Variants in GABBR2 observed in about 807,000 individuals in gnomAD.
GABBR2 encodes gamma-aminobutyric acid type B receptor subunit 2, also known as G-protein coupled receptor 51.
A neutral mutation model predicts 105.6 loss-of-function variants in GABBR2; 23 were observed. The observed-to-expected ratio is 0.22, with a 90% confidence interval of 0.16 to 0.31. GABBR2 has a LOEUF of 0.31. GABBR2 is among the 10% of genes least tolerant of loss of function. GABBR2 has a pLI of 1.00. For missense variants in GABBR2, 734 were observed against 1,245.5 expected (o/e 0.59, Z 6.18); for synonymous variants, 478 against 499.7 (o/e 0.96, Z 0.58).
chr9:98,366,922 A>T lies in GABBR2; in HGVS notation c.1771-4085T>A, dbSNP rs538824152. 1.1e-3 allele frequency among the ~76,000 whole-genome samples: 165 copies of T among 152,132 alleles called. 1 individual carries two copies. The highest frequency in any genetic ancestry group is 3.7e-3 in the African/African-American group (154 of 41,464). On this transcript the variant is annotated intron_variant, in intron 12 of 18. Coordinates refer to ENST00000259455, the MANE Select transcript of GABBR2 (RefSeq NM_005458.8). Reference sequence around the variant, plus strand: ...CAGAAGGTGTCATCTCTAAATTTCTACTCTTGTTTCAACACTTCCATTTGG... The same window carrying T: ...CAGAAGGTGTCATCTCTAAATTTCTTCTCTTGTTTCAACACTTCCATTTGG...
intron 1 of GABBR2, among the ~76,000 whole-genome samples, chr9:98,662,060 T>C (rs559941854): frequency 6.6e-6 from 1 of 152,326 alleles, no homozygotes; most frequent in East Asian, 1.9e-4. Flanking sequence ...CTCTTACAGG[T>C]GTTATTCCTA....
rs1828422625 is a variant in GABBR2 at position 98,547,598 on chromosome 9, C to T, written c.460-5555G>A. On this transcript the variant is annotated intron_variant, in intron 2 of 18. Coordinates refer to ENST00000259455, the MANE Select transcript of GABBR2 (RefSeq NM_005458.8). ...CATCTTATTTTACTGTATTTTATTA[C>T]AAGGTATGTGCATATTAGCTTTCAC... Among the ~76,000 whole-genome samples the T allele has an allele frequency of 1.7e-5, 2 of 120,546 alleles. 1 individual carries two copies. The highest frequency in any genetic ancestry group is 5.3e-5 in the African/African-American group (2 of 37,776). 79.1% of individuals were successfully genotyped at this position (120,546 alleles called of 152,430 possible). A position where few individuals can be genotyped will look rare whatever the true frequency, so the allele number is the denominator to read the frequency against.
chr9:98,493,911 G>C (rs1225393397), intron 4 of GABBR2, among the ~76,000 whole-genome samples: 3 of 152,200 alleles, frequency 2.0e-5, no homozygotes, highest in African/African-American at 4.8e-5. Context: ...ACATTCTAAT[G>C]GGAGGAGACA....
At chr9:98,678,714 C>T (rs1011362167) in intron 1 of GABBR2, among the ~76,000 whole-genome samples, 17 of 152,280 alleles carry the variant, frequency 1.1e-4, no homozygotes, top group Admixed American at 3.9e-4. Context: ...AGAGTGCTTT[C>T]TCTTTCACAT....
chr9:98,349,349 G>GGTTTTCTATTTTTTTTTTTTTTTTT (rs1831355290), intron 13 of GABBR2, among the ~76,000 whole-genome samples: 1 of 24,218 alleles, frequency 4.1e-5, no homozygotes, highest in African/African-American at 1.5e-4. Context: ...TTGAAGTTTT[G>GGTTTTCTATTTTTTTTTTTTTTTTT]TTTTTTTTTT....
intron 1 of GABBR2, among the ~76,000 whole-genome samples, chr9:98,594,078 C>A (rs1211848097): frequency 6.6e-6 from 1 of 152,218 alleles, no homozygotes; most frequent in Non-Finnish European, 1.5e-5. Context: ...CCCCAACACC[C>A]CAACATCTCA....
Position 98,708,598 on chromosome 9 carries a change from GGGGCGCCCCGCGCCCA to G in GABBR2, c.124_139del (p.Trp42ProfsTer68). On this transcript the variant is annotated frameshift_variant, in exon 1 of 19. Coordinates refer to ENST00000259455, the MANE Select transcript of GABBR2 (RefSeq NM_005458.8). LOFTEE classifies it high-confidence loss of function. ...CGGCGGGCTGCTGGGCGGCGGCCGG[GGGGCGCCCCGCGCCCA>G]GCCCCAGGCCCCGGGCGCCAGAGGC... The G allele has an allele frequency of 7.0e-7, 1 of 1,431,662 alleles. No homozygotes were observed. Among genetic ancestry groups the G allele is most frequent in the Non-Finnish European group, 9.2e-7 (1 of 1,091,488 alleles). 88.7% of individuals were successfully genotyped at this position (1,431,662 alleles called of 1,614,324 possible).
chr9:98,426,319 A>G (rs1825683886), intron 7 of GABBR2, among the ~76,000 whole-genome samples: 1 of 152,218 alleles, frequency 6.6e-6, no homozygotes, highest in Admixed American at 6.5e-5. Context: ...TAGCAATCCC[A>G]AGATGGCATG....
chr9:98,347,209 A>C (rs1419116276), intron 13 of GABBR2, among the ~76,000 whole-genome samples: 3 of 152,192 alleles, frequency 2.0e-5, no homozygotes, highest in African/African-American at 7.2e-5. Flanking sequence ...GTGTATAAGA[A>C]TTCTCTTTTT....
intron 1 of GABBR2, among the ~76,000 whole-genome samples, chr9:98,634,751 G>A (rs1366304642): frequency 1.3e-5 from 2 of 152,078 alleles, no homozygotes; most frequent in East Asian, 1.9e-4. Flanking sequence ...ATACTATCCC[G>A]ATCAAAAGTG....
chr9:98,408,998 C>T (rs1304922907), intron 7 of GABBR2, among the ~76,000 whole-genome samples: 2 of 152,132 alleles, frequency 1.3e-5, no homozygotes, highest in Non-Finnish European at 2.9e-5. Flanking sequence ...CCGCTCAAGA[C>T]GTTATAAGAA....
chr9:98,477,328 C>A (rs1260285479), intron 5 of GABBR2, among the ~76,000 whole-genome samples: 2 of 152,224 alleles, frequency 1.3e-5, no homozygotes, highest in Non-Finnish European at 2.9e-5. Context: ...CAGCCTCGAA[C>A]TTCTGGGCTC....
rs200503444 is a variant in GABBR2, at chr9:98,577,980, G to A, written c.414C>T (p.Val138=). The change falls in exon 2 of 19, where the codon GTC becomes GTT. Residue 138 remains valine (V), a synonymous_variant. Transcript: ENST00000259455. ...GGAGGGACTCTGCAATGATGGATGT[G>A]ACGGATGGACAGACGCCTCCAAACA... ...LMVFGGVCPS[V]TSIIAESLQG... 1 of 1,614,028 alleles carries A rather than the reference G, an allele frequency of 6.2e-7. No homozygotes were observed. Among genetic ancestry groups the A allele is most frequent in the East Asian group, 2.2e-5 (1 of 44,886 alleles).
intron 1 of GABBR2, among the ~76,000 whole-genome samples, chr9:98,580,009 G>C (rs368338267): frequency 6.6e-6 from 1 of 152,290 alleles, no homozygotes; most frequent in African/African-American, 2.4e-5. Flanking sequence ...ACTATGTACA[G>C]GTTTGGGGTC....
intron 1 of GABBR2, among the ~76,000 whole-genome samples, chr9:98,690,041 C>T (rs990842694): frequency 6.6e-5 from 10 of 152,162 alleles, no homozygotes; most frequent in African/African-American, 1.4e-4. Flanking sequence ...TCCCCATTAT[C>T]GTTGCAACAC....
At chr9:98,436,470 T>C (rs28482441) in intron 7 of GABBR2, among the ~76,000 whole-genome samples, 15,379 of 124,674 alleles carry the variant, frequency 0.12, 1,535 homozygotes, top group East Asian at 0.33. Context: ...TTACAGTTCG[T>C]TGTGCACCTT....
At chr9:98,309,139 C>T (rs1358563630) in intron 14 of GABBR2, among the ~76,000 whole-genome samples, 6 of 152,104 alleles carry the variant, frequency 3.9e-5, no homozygotes, top group Non-Finnish European at 8.8e-5. Flanking sequence ...GGGGACAGTT[C>T]CTTGCATGTT....
intron 11 of GABBR2, among the ~76,000 whole-genome samples, chr9:98,372,140 T>C (rs987082597): frequency 6.6e-6 from 1 of 152,190 alleles, no homozygotes; most frequent in African/African-American, 2.4e-5. Flanking sequence ...CGCCTAGCCC[T>C]GGGTTGGTGG....
intron 7 of GABBR2, among the ~76,000 whole-genome samples, chr9:98,440,853 C>T (rs1826019674): frequency 6.6e-6 from 1 of 152,182 alleles, no homozygotes; most frequent in Non-Finnish European, 1.5e-5. Flanking sequence ...TTTATGTCAG[C>T]TGTCTTCTCC....
Sources: allele counts gnomAD v4.1 joint callset (sites outside exome capture counted in the v4.1 genomes callset), GRCh38; gene constraint gnomAD v4.1.1; transcripts MANE v1.5; gene names NCBI Gene and HGNC (gene_info 2026-07-23, HGNC 2026-07-21).